The following ZNF782 variants were observed in gnomAD, a reference collection of about 807,000 sequenced individuals.
ZNF782 encodes the protein zinc finger protein 782.
ZNF782 carries 12 observed loss-of-function variants against 13.0 expected under a neutral mutation model. The ratio of observed to expected loss-of-function variants is 0.92; its 90% confidence interval spans 0.59 to 1.50. The LOEUF (loss-of-function observed/expected upper bound fraction) is 1.50. ZNF782 is among the 40% of genes most tolerant of loss of function. The pLI is 0.00. For missense variants in ZNF782, 770 were observed against 822.9 expected, an observed-to-expected ratio of 0.94 and a Z score of 0.79; for synonymous variants, 284 against 283.0, an observed-to-expected ratio of 1.00 and a Z score of -0.04.
chr9:96,885,560 C>T, the ZNF782 span, among the ~76,000 whole-genome samples: 1 of 152,004 alleles, frequency 6.6e-6, no homozygotes, highest in African/African-American at 2.4e-5. Flanking sequence ...GAGAGAGGCA[C>T]TGAAAAAGTG....
chr9:96,920,855 C>T, the ZNF782 span, among the ~76,000 whole-genome samples: 1 of 149,154 alleles, frequency 6.7e-6, no homozygotes, highest in Non-Finnish European at 1.5e-5. Context: ...GCAGAGATTG[C>T]AGTGAGCCAA....
chr9:96,923,008 T>C, the ZNF782 span, among the ~76,000 whole-genome samples: 2 of 147,344 alleles, frequency 1.4e-5, no homozygotes, highest in Non-Finnish European at 1.5e-5. Context: ...ATACCTCTAA[T>C]ACATATAAAT....
chr9:96,831,435 C>T (rs564759947), intron 4 of ZNF782, among the ~76,000 whole-genome samples: 3 of 152,066 alleles, frequency 2.0e-5, no homozygotes, highest in Non-Finnish European at 4.4e-5. Context: ...TTAGGCTGGG[C>T]GCCGTGGCTC....
chr9:96,916,692 C>A, the ZNF782 span, among the ~76,000 whole-genome samples: 1 of 151,972 alleles, frequency 6.6e-6, no homozygotes, highest in South Asian at 2.1e-4. Context: ...GCTCCCCAGC[C>A]CGAGGCCTTT....
At chr9:96,865,517 C>A (rs929540110) in intron 1 of ZNF782, among the ~76,000 whole-genome samples, 1 of 152,198 alleles carries the variant, frequency 6.6e-6, no homozygotes, top group Non-Finnish European at 1.5e-5. Flanking sequence ...GTCCAATAAA[C>A]CTCTTTCTTT....
At position 96,824,907 on chromosome 9, in the gene ZNF782, G is replaced by A. The variant is rs1188865273; in HGVS notation, c.244+2173C>T. ...ACCACTGCTCAAGGAAATAAAAGAG[G>A]ATACAAACAAATGGAAGAACATTCC... is the stretch of plus-strand genomic sequence containing the variant. On this transcript the variant is annotated intron_variant, in intron 5 of 5. Transcript: ENST00000481138. Among the ~76,000 whole-genome samples, 587 of 150,952 alleles carry A rather than the reference G, an allele frequency of 3.9e-3. 1 individual carries two copies. The highest frequency in any genetic ancestry group is 0.013 in the African/African-American group (552 of 41,004).
At chr9:96,857,674 G>A (rs1851660912), upstream of ZNF782, among the ~76,000 whole-genome samples, 2 of 152,190 alleles carry the variant, frequency 1.3e-5, no homozygotes, top group South Asian at 4.1e-4. Flanking sequence ...CAGGCTCTCT[G>A]AGAACATTTA....
intron 5 of ZNF782, among the ~76,000 whole-genome samples, chr9:96,820,775 C>A (rs1850393304): frequency 6.6e-6 from 1 of 152,120 alleles, no homozygotes; most frequent in Admixed American, 6.6e-5. Context: ...GTCTCGAACT[C>A]CTGATCTCAG....
At chr9:96,922,763 G>T in the ZNF782 span, among the ~76,000 whole-genome samples, 1 of 151,374 alleles carries the variant, frequency 6.6e-6, no homozygotes, top group Non-Finnish European at 1.5e-5. Context: ...GACAGAGCGA[G>T]ACTCCGTCTC....
At chr9:96,893,997 C>T in the ZNF782 span, 1 of 99,654 alleles carries the variant, frequency 1.0e-5, no homozygotes, top group Non-Finnish European at 1.6e-5. Context: ...GAGACTCCGT[C>T]TCAAAAAAAA....
At chr9:96,916,472 GAGTA>G in the ZNF782 span, among the ~76,000 whole-genome samples, 1 of 151,740 alleles carries the variant, frequency 6.6e-6, no homozygotes, top group Non-Finnish European at 1.5e-5. Context: ...CTGGATGGCA[GAGTA>G]AGACTCTGTC....
At chr9:96,875,132 C>G (rs1179970432) in intron 1 of ZNF782, among the ~76,000 whole-genome samples, 3 of 152,210 alleles carry the variant, frequency 2.0e-5, no homozygotes, top group African/African-American at 7.2e-5. Context: ...CACACCTGCC[C>G]TTGAACCTAA....
the ZNF782 span, among the ~76,000 whole-genome samples, chr9:96,903,731 T>C: frequency 1.3e-5 from 2 of 151,012 alleles, no homozygotes; most frequent in African/African-American, 4.9e-5. Context: ...CCCGGCTAAT[T>C]TTTTGTATTT....
the ZNF782 span, chr9:96,888,760 C>T: frequency 2.0e-5 from 3 of 152,164 alleles, no homozygotes; most frequent in Non-Finnish European, 2.9e-5. Flanking sequence ...GAAGAGACAT[C>T]GGGCGCATGG....
At chr9:96,888,057 T>C in the ZNF782 span, 1 of 147,090 alleles carries the variant, frequency 6.8e-6, no homozygotes, top group Non-Finnish European at 1.5e-5. Flanking sequence ...TTTGGAGATA[T>C]ACCTAATGTT....
chr9:96,887,507 A>T, the ZNF782 span: 1 of 152,246 alleles, frequency 6.6e-6, no homozygotes, highest in Admixed American at 6.5e-5. Flanking sequence ...CAAACATGAT[A>T]CAACATTATG....
At chr9:96,891,664 A>T in the ZNF782 span, 1 of 151,594 alleles carries the variant, frequency 6.6e-6, no homozygotes, top group Admixed American at 6.6e-5. Flanking sequence ...CGTTCAAGCA[A>T]TTCTCTGCCT....
At chr9:96,929,816 T>G in the ZNF782 span, among the ~76,000 whole-genome samples, 1 of 152,070 alleles carries the variant, frequency 6.6e-6, no homozygotes, top group Non-Finnish European at 1.5e-5. Context: ...TTTGTGTTAC[T>G]GTGGAGGTGA....
chr9:96,830,566 TTAA>T (rs998084306), intron 4 of ZNF782, among the ~76,000 whole-genome samples: 2 of 152,146 alleles, frequency 1.3e-5, no homozygotes, highest in African/African-American at 2.4e-5. Flanking sequence ...AGCCCACCTT[TTAA>T]TAATAAGGCA....
Sources: allele counts gnomAD v4.1 joint callset (sites outside exome capture counted in the v4.1 genomes callset), GRCh38; gene constraint gnomAD v4.1.1; transcripts MANE v1.5; gene names NCBI Gene and HGNC (gene_info 2026-07-23, HGNC 2026-07-21).